ALG9: variants seen among roughly 807,000 people sequenced by gnomAD.
ALG9 encodes the protein ALG9 alpha-1,2-mannosyltransferase.
In ALG9, 55 loss-of-function variants were observed where a neutral mutation model predicts 81.8. The ratio of observed to expected loss-of-function variants is 0.67; its 90% confidence interval spans 0.54 to 0.84. ALG9 has a LOEUF of 0.84. Ranked by LOEUF, ALG9 falls within the 40% of genes least tolerant of loss-of-function variation. ALG9 has a pLI of 0.00. For synonymous variants in ALG9, 278 were observed against 274.3 expected (o/e 1.01, Z -0.13); for missense variants, 629 against 745.0 (o/e 0.84, Z 1.81).
chr11:111,815,471 C>T (rs1488734205), intron 13 of ALG9, among the ~76,000 whole-genome samples: 1 of 152,128 alleles, frequency 6.6e-6, no homozygotes, highest in Non-Finnish European at 1.5e-5. Flanking sequence ...ATTAGAAAAA[C>T]TTTTAACCTC....
In ALG9 at chr11:111,830,074, C is replaced by T. The variant is rs148018949; in HGVS notation, c.1602+6091G>A. 2.0e-3 allele frequency among the ~76,000 whole-genome samples: 301 copies of T among 152,290 alleles called. 2 individuals carry two copies. The highest frequency in any genetic ancestry group is 5.9e-3 in the African/African-American group (247 of 41,552). On this transcript the variant is annotated intron_variant, in intron 13 of 14. Coordinates refer to ENST00000616540, the MANE Select transcript of ALG9 (RefSeq NM_024740.2). The stretch of plus-strand genomic sequence containing the variant: ...AGAAATGTCAATGGTCTTAGAAATT[C>T]CCAGTCATTTAAAAGGAAAATACAT...
intron 2 of ALG9, among the ~76,000 whole-genome samples, chr11:111,869,447 G>A (rs1292543945): frequency 6.6e-6 from 1 of 151,988 alleles, no homozygotes; most frequent in East Asian, 1.9e-4. Flanking sequence ...ACCGTCAGAA[G>A]AAATAACTTA....
chr11:111,800,476 G>A (rs942016360), intron 14 of ALG9, among the ~76,000 whole-genome samples: 10 of 151,800 alleles, frequency 6.6e-5, no homozygotes, highest in South Asian at 6.3e-4. Context: ...GCGAGACTCC[G>A]TCTCAAAAAA....
At chr11:111,854,530 C>G (rs1489529830) in intron 6 of ALG9, among the ~76,000 whole-genome samples, 1 of 152,102 alleles carries the variant, frequency 6.6e-6, no homozygotes, top group Non-Finnish European at 1.5e-5. Context: ...ATCGCCCTCC[C>G]AAAGTGCTGG....
chr11:111,870,649 G>T, intron 1 of ALG9: 1 of 848,290 alleles, frequency 1.2e-6, no homozygotes, highest in Non-Finnish European at 1.5e-6. Flanking sequence ...TCAGCCTTCT[G>T]AAGAATTGAC....
rs1341721426 is a variant in ALG9 at position 111,870,109 on chromosome 11, T to TG, written c.270+122_270+123insC. 4 of 1,213,798 alleles carry TG rather than the reference T, an allele frequency of 3.3e-6. No homozygotes were observed. The African/African-American group carries it at 6.4e-5, about 19-fold the overall frequency. The allele number at this position is 1,213,798 out of a possible 1,614,324, so 75.2% of individuals were successfully genotyped here. A position where few individuals can be genotyped will look rare whatever the true frequency, so the allele number is the denominator to read the frequency against. ...TTATAGGCCTGTTTTTTTGTTTTTT[T>TG]TTTTAAGAAAATACAGTTATTTTAC... On this transcript the variant is annotated intron_variant, in intron 2 of 14. Transcript: ENST00000616540.
chr11:111,860,558 C>T lies in ALG9; in HGVS notation c.554G>A (p.Cys185Tyr). Reference sequence around the variant, plus strand: ...GCCCTTTTACTTACCTGATGATGAGCAAAACATGCCAGTGCTGAGAACCAA... The same window carrying T: ...GCCCTTTTACTTACCTGATGATGAGTAAAACATGCCAGTGCTGAGAACCAA... ...AFLVLSTGMF[C>Y]SSSAFLPSSF... Residue 185 changes from cysteine to tyrosine, a missense_variant, in exon 5 of 15, where the codon TGC (cysteine) becomes TAC (tyrosine). Physicochemically the swap from Cys to Tyr is radical, Grantham distance 194 (BLOSUM62 -2). Transcript: ENST00000616540. 5 of 1,614,066 alleles carry T rather than the reference C, an allele frequency of 3.1e-6. No individual in the cohort carries two copies. Among genetic ancestry groups the T allele is most frequent in the Non-Finnish European group, 3.4e-6 (4 of 1,179,962 alleles).
intron 3 of ALG9, 76 bp downstream of exon 3, chr11:111,868,526 T>C: frequency 2.0e-6 from 3 of 1,524,912 alleles, no homozygotes; most frequent in Non-Finnish European, 2.7e-6. Context: ...CAATTCATTT[T>C]GTCCTTTTCT....
chr11:111,851,461 G>C (rs1293103694), intron 8 of ALG9, among the ~76,000 whole-genome samples: 4 of 128,678 alleles, frequency 3.1e-5, no homozygotes, highest in Non-Finnish European at 6.3e-5. Flanking sequence ...TGGGTGACAA[G>C]AGCGAAACTC....
intron 14 of ALG9, among the ~76,000 whole-genome samples, chr11:111,788,022 T>C (rs1196990261): frequency 3.3e-5 from 5 of 152,194 alleles, no homozygotes; most frequent in Non-Finnish European, 5.9e-5. Context: ...GTTGTAGTGA[T>C]AGTTTTAAAT....
chr11:111,840,562 G>A (rs1956064508), intron 10 of ALG9, 93 bp downstream of exon 10: 28 of 1,436,626 alleles, frequency 1.9e-5, no homozygotes, highest in Non-Finnish European at 2.5e-5. Context: ...AATATCTTAG[G>A]TGGAAGCATT....
At chr11:111,796,860 G>A (rs1948369555) in intron 14 of ALG9, among the ~76,000 whole-genome samples, 2 of 152,138 alleles carry the variant, frequency 1.3e-5, no homozygotes, top group Non-Finnish European at 2.9e-5. Flanking sequence ...TTACTGCTTA[G>A]GAGGGAGAAC....
intron 14 of ALG9, among the ~76,000 whole-genome samples, chr11:111,797,420 C>T (rs549044224): frequency 6.6e-6 from 1 of 152,344 alleles, no homozygotes; most frequent in East Asian, 1.9e-4. Context: ...GTGAGAAAGC[C>T]ACTCAGCTGC....
At chr11:111,771,104 T>C in the ALG9 span, 1 of 152,324 alleles carries the variant, frequency 6.6e-6, no homozygotes, top group Admixed American at 6.5e-5. Flanking sequence ...CAACTCTTGC[T>C]CACATTAACA....
intron 6 of ALG9, among the ~76,000 whole-genome samples, chr11:111,855,480 G>A (rs782656188): frequency 6.6e-6 from 1 of 152,148 alleles, no homozygotes; most frequent in African/African-American, 2.4e-5. Context: ...AGGAACAAGG[G>A]GGAGTGAAGA....
At chr11:111,844,868 C>G in intron 8 of ALG9, 145 bp from the exon 9 acceptor site, 1 of 880,018 alleles carries the variant, frequency 1.1e-6, no homozygotes, top group Non-Finnish European at 1.9e-6. Flanking sequence ...TCTTCCCATG[C>G]TAAGCTACAC....
the ALG9 span, among the ~76,000 whole-genome samples, chr11:111,772,302 T>A: frequency 6.6e-6 from 1 of 151,918 alleles, no homozygotes. Flanking sequence ...GGTGCCTGAC[T>A]GTAGTACCAG....
At chr11:111,851,315 C>T (rs1420029254) in intron 8 of ALG9, among the ~76,000 whole-genome samples, 2 of 152,140 alleles carry the variant, frequency 1.3e-5, no homozygotes, top group East Asian at 3.9e-4. Flanking sequence ...CCCGTCTCTA[C>T]TAAAAATATA....
rs1945994734 is a variant in ALG9 at position 111,782,242 on chromosome 11, G to A, written c.*4155C>T. ...ACTCTTTCTTTCACAGGAAATATAA[G>A]TATGTAATGTAAACACCGACACGTG... On this transcript the variant is annotated 3_prime_UTR_variant, in exon 15 of 15. Transcript: ENST00000616540. 6.6e-6 allele frequency: 1 copy of A among 152,196 alleles called. No homozygotes were observed. The highest frequency in any genetic ancestry group is 1.5e-5 in the Non-Finnish European group (1 of 68,034). 9.4% of individuals were successfully genotyped at this position (152,196 alleles called of 1,614,324 possible).
Sources: gnomAD v4.1 joint callset for allele counts (sites outside exome capture counted in the v4.1 genomes callset) on GRCh38, gnomAD v4.1.1 for gene constraint, MANE v1.5 for transcripts, NCBI Gene and HGNC (gene_info 2026-07-23, HGNC 2026-07-21) for gene names.